Variants in C14orf180 observed in about 807,000 individuals in gnomAD.
The protein encoded by C14orf180 is nutritionally-regulated adipose and cardiac enriched protein homolog.
In C14orf180, 13 loss-of-function variants were observed where a neutral mutation model predicts 13.9. The observed-to-expected ratio is 0.94, with a 90% CI of 0.61 to 1.49. C14orf180 has a LOEUF of 1.49. Ranked by LOEUF, C14orf180 falls within the 40% of genes most tolerant of loss-of-function variation. The pLI is 0.00. For synonymous variants in C14orf180, 113 were observed against 106.3 expected (o/e 1.06, Z -0.39); for missense variants, 238 against 232.0 (o/e 1.03, Z -0.17).
At position 104,588,642 on chromosome 14, in the gene C14orf180, C is replaced by G. The variant is rs377369394; in HGVS notation, c.342C>G (p.Leu114=). The change falls in exon 5 of 5, where the codon CTC becomes CTG. Residue 114 remains leucine, a synonymous_variant. Transcript: ENST00000557649. ...LLLQLCVCVL[L]VLALGLYCGR... Reference sequence around the variant, plus strand: ...TGCAGCTGTGTGTGTGCGTCCTGCTCGTGCTGGCCCTGGGCCTATACTGCG... The same window carrying G: ...TGCAGCTGTGTGTGTGCGTCCTGCTGGTGCTGGCCCTGGGCCTATACTGCG... 6.6e-7 allele frequency: 1 copy of G among 1,521,644 alleles called. No individual in the cohort carries two copies. The highest frequency in any genetic ancestry group is 1.4e-5 in the African/African-American group (1 of 72,576). The allele number at this position is 1,521,644 out of a possible 1,614,324, so 94.3% of individuals were successfully genotyped here.
At chr14:104,587,125 T>C (rs1287551796) in intron 2 of C14orf180, among the ~76,000 whole-genome samples, 1 of 152,024 alleles carries the variant, frequency 6.6e-6, no homozygotes, top group Non-Finnish European at 1.5e-5. Context: ...TCAGCCCCAG[T>C]TGTCACCATG....
intron 2 of C14orf180, among the ~76,000 whole-genome samples, chr14:104,586,957 G>T (rs1940621063): frequency 6.6e-6 from 1 of 152,322 alleles, no homozygotes; most frequent in South Asian, 2.1e-4. Context: ...CCAGGCTGGG[G>T]CATGCCACAG....
intron 1 of C14orf180, among the ~76,000 whole-genome samples, chr14:104,581,913 G>A (rs943290699): frequency 4.6e-5 from 7 of 152,274 alleles, no homozygotes; most frequent in South Asian, 2.1e-4. Flanking sequence ...AGTGCCAGGC[G>A]AGGGGTGAGC....
chr14:104,585,838 C>CAG (rs911867184), intron 1 of C14orf180, among the ~76,000 whole-genome samples: 3 of 152,130 alleles, frequency 2.0e-5, no homozygotes, highest in African/African-American at 7.2e-5. Flanking sequence ...GAGAGAGACA[C>CAG]AGAGAGAGAG....
At chr14:104,586,312 A>C in intron 1 of C14orf180, 103 bp from the exon 2 acceptor site, 3 of 748,574 alleles carry the variant, frequency 4.0e-6, no homozygotes, top group Non-Finnish European at 6.1e-6. Context: ...AAGCCCGGGA[A>C]GCCAGCCTGG....
rs181385441 is a variant in C14orf180 at position 104,588,993 on chromosome 14, C to T, written c.*210C>T. 4.1e-5 allele frequency: 42 copies of T among 1,024,356 alleles called. No homozygotes were observed. In the Admixed American group the frequency reaches 9.0e-4, roughly 22 times the overall value. The allele number at this position is 1,024,356 out of a possible 1,614,324, so 63.5% of individuals were successfully genotyped here. On this transcript the variant is annotated 3_prime_UTR_variant, in exon 5 of 5. Coordinates refer to ENST00000557649, the MANE Select transcript of C14orf180 (RefSeq NM_001008404.3). ...GGCGGCCCCGCCACACTAGTCAGCA[C>T]AGCCCTCCTGTCTCCTGTGTTGGGT...
chr14:104,582,948 TG>T (rs1886488341), intron 1 of C14orf180, among the ~76,000 whole-genome samples: 1 of 151,542 alleles, frequency 6.6e-6, no homozygotes, highest in East Asian at 2.0e-4. Context: ...CTGCTTCCAC[TG>T]GGGAAAATGA....
chr14:104,583,845 G>GAC (rs147184764), intron 1 of C14orf180, among the ~76,000 whole-genome samples: 14 of 151,512 alleles, frequency 9.2e-5, no homozygotes, highest in African/African-American at 2.7e-4. Context: ...CACATGCATG[G>GAC]ACACACACAC....
chr14:104,586,454 G>A lies in C14orf180; in HGVS notation c.24G>A (p.Val8=). The change falls in exon 2 of 5, where the codon GTG becomes GTA. Residue 8 remains valine, a synonymous_variant. Transcript: ENST00000557649. The stretch of plus-strand genomic sequence containing the variant: ...AAATGAGGACTGCAGCAGGAGCCGT[G>A]AGCCCTGACTCCCGGCCAGAGACAC... MRTAAGA[V]SPDSRPETRR... is the part of the protein sequence containing the mutation. The A allele has an allele frequency of 6.5e-7, 1 of 1,544,332 alleles. No individual in the cohort carries two copies. The highest frequency in any genetic ancestry group is 8.7e-7 in the Non-Finnish European group (1 of 1,143,948).
chr14:104,588,718 C>T lies in C14orf180; in HGVS notation c.418C>T (p.Leu140Phe). The change falls in exon 5 of 5, where the codon CTC becomes TTC. Residue 140 changes from leucine to phenylalanine, a missense_variant. Leu to Phe is a conservative substitution (Grantham distance 22). Coordinates refer to ENST00000557649, the MANE Select transcript of C14orf180 (RefSeq NM_001008404.3). ...TALEDLRARL[L>F]GLVLHLRHVA... ...ACTGGAGGACCTGCGGGCCCGGCTC[C>T]TCGGCCTTGTCCTGCACCTGCGGCA... The T allele has an allele frequency of 6.5e-7, 1 of 1,535,778 alleles. No homozygotes were observed. The highest frequency in any genetic ancestry group is 8.7e-7 in the Non-Finnish European group (1 of 1,146,378).
intron 1 of C14orf180, among the ~76,000 whole-genome samples, chr14:104,583,434 G>A (rs550089358): frequency 6.6e-6 from 1 of 152,300 alleles, no homozygotes; most frequent in Non-Finnish European, 1.5e-5. Context: ...GGCTTGGTGC[G>A]GACTCGGGTC....
At chr14:104,585,487 C>A (rs1296198344) in intron 1 of C14orf180, among the ~76,000 whole-genome samples, 2 of 152,214 alleles carry the variant, frequency 1.3e-5, no homozygotes, top group Non-Finnish European at 2.9e-5. Flanking sequence ...ACTTGGGGGG[C>A]TCCACCGGTG....
chr14:104,581,026 G>A (rs920890551), intron 1 of C14orf180: 1 of 152,254 alleles, frequency 6.6e-6, no homozygotes, highest in Non-Finnish European at 1.5e-5. Flanking sequence ...ACCTGGTAGG[G>A]CCTGCAGGCA....
Position 104,588,781 on chromosome 14 carries a change from TGACGGGCAG to T in C14orf180, c.*18_*26del, listed in dbSNP as rs11278058. 682,856 of 1,532,622 alleles carry T rather than the reference TGACGGGCAG, an allele frequency of 0.45. 159,710 individuals are homozygous for T. The highest frequency in any genetic ancestry group is 0.76 in the African/African-American group (55,046 of 72,706). 94.9% of individuals were successfully genotyped at this position (1,532,622 alleles called of 1,614,324 possible). On this transcript the variant is annotated stop_retained_variant and 3_prime_UTR_variant, in exon 5 of 5. Coordinates refer to ENST00000557649, the MANE Select transcript of C14orf180 (RefSeq NM_001008404.3). ...CTGCTGGCGCGGCCTCCTGCGGCTC[TGACGGGCAG>T]GACGGGCAGGACGGGCAGGGCTTCC...
At position 104,587,878 on chromosome 14, in the gene C14orf180, T is replaced by A. The variant is rs1886688095; in HGVS notation, c.241T>A (p.Tyr81Asn). ...AGAACCCCCAGCGGTGACCGTCCAC[T>A]GTAAGAGGGCACCCGCAGCAAGCAG... The part of the protein sequence containing the change: ...FREPPAVTVH[Y>N]IADKNATATV... Residue 81 changes from tyrosine to asparagine, a missense_variant and splice_region_variant, in exon 3 of 5, where the codon TAC (tyrosine) becomes AAC (asparagine). Coordinates refer to ENST00000557649, the MANE Select transcript of C14orf180 (RefSeq NM_001008404.3). The A allele has an allele frequency of 4.4e-6, 7 of 1,601,534 alleles. No individual in the cohort carries two copies. Among genetic ancestry groups the A allele is most frequent in the South Asian group, 1.1e-5 (1 of 89,574 alleles).
chr14:104,583,979 G>A (rs1435837290), intron 1 of C14orf180, among the ~76,000 whole-genome samples: 4 of 151,780 alleles, frequency 2.6e-5, no homozygotes, highest in African/African-American at 4.8e-5. Flanking sequence ...TCTGACACAC[G>A]TGCCCACTCT....
chr14:104,588,003 C>T, intron 3 of C14orf180, 125 bp downstream of exon 3: 5 of 1,262,894 alleles, frequency 4.0e-6, no homozygotes, highest in Non-Finnish European at 5.4e-6. Flanking sequence ...GGCCACCTGC[C>T]TTCAGTGCCA....
At chr14:104,582,304 A>G (rs1798149609) in intron 1 of C14orf180, among the ~76,000 whole-genome samples, 1 of 152,042 alleles carries the variant, frequency 6.6e-6, no homozygotes, top group South Asian at 2.1e-4. Flanking sequence ...GGCAAGAACC[A>G]CTGGCCCGCC....
At position 104,588,269 on chromosome 14, in the gene C14orf180, C is replaced by T. The variant is rs369790934; in HGVS notation, c.242-5C>T. 106 of 1,613,932 alleles carry T rather than the reference C, an allele frequency of 6.6e-5. No individual in the cohort carries two copies. The Middle Eastern group carries it at 1.2e-3, about 18-fold the overall frequency. ...CCCCAGCTGACTCTCCATTCTCTTTCGCAGACATTGCTGACAAGAACGCCA... is the reference window on the plus strand; with the variant it reads ...CCCCAGCTGACTCTCCATTCTCTTTTGCAGACATTGCTGACAAGAACGCCA... On this transcript the variant is annotated splice_polypyrimidine_tract_variant and splice_region_variant and intron_variant, in intron 3 of 4. Coordinates refer to ENST00000557649, the MANE Select transcript of C14orf180 (RefSeq NM_001008404.3).
Sources: allele counts gnomAD v4.1 joint callset (sites outside exome capture counted in the v4.1 genomes callset), GRCh38; gene constraint gnomAD v4.1.1; transcripts MANE v1.5; gene names NCBI Gene and HGNC (gene_info 2026-07-23, HGNC 2026-07-21).